The following CELSR1 variants were observed in gnomAD, a reference collection of about 807,000 sequenced individuals.
CELSR1 encodes cadherin EGF LAG seven-pass G-type receptor 1, also known as adhesion G protein-coupled receptor C1.
A neutral mutation model predicts 249.1 loss-of-function variants in CELSR1; 110 were observed. The ratio of observed to expected loss-of-function variants is 0.44; its 90% CI spans 0.38 to 0.52. The LOEUF (loss-of-function observed/expected upper bound fraction) is 0.52, where lower values mean the gene tolerates loss of function less well. Ranked by LOEUF, CELSR1 falls within the 20% of genes least tolerant of loss-of-function variation. CELSR1 has a pLI of 0.00. For synonymous variants in CELSR1, 2,113 were observed against 1,900.0 expected (o/e 1.11, Z -2.92); for missense variants, 4,109 against 4,296.4 (o/e 0.96, Z 1.22).
At position 46,536,881 on chromosome 22, in the gene CELSR1, G is replaced by T; in HGVS notation, c.290C>A (p.Ala97Asp). 2 of 1,228,752 alleles carry T rather than the reference G, an allele frequency of 1.6e-6. No individual in the cohort carries two copies. The highest frequency in any genetic ancestry group is 2.0e-6 in the Non-Finnish European group (2 of 980,376). 76.1% of individuals were successfully genotyped at this position (1,228,752 alleles called of 1,614,324 possible). The change falls in exon 1 of 35, where the codon GCC becomes GAC. Residue 97 changes from alanine (A) to aspartate (D), a missense_variant. Ala to Asp is a moderately radical substitution (Grantham distance 126). Coordinates refer to ENST00000674500, the MANE Select transcript of CELSR1 (RefSeq NM_001378328.1). ...CAGGCGGCGGCTCAGCGCCGTCGGGGCACTGCGGGCCACCAAGCGGACTTG... is the reference window on the plus strand; with the variant it reads ...CAGGCGGCGGCTCAGCGCCGTCGGGTCACTGCGGGCCACCAAGCGGACTTG... The part of the protein sequence containing the change: ...PLQVRLVARS[A>D]PTALSRRLRA...
At chr22:46,477,331 A>AGCCTTCTGG (rs1463981785) in intron 1 of CELSR1, among the ~76,000 whole-genome samples, 1 of 152,140 alleles carries the variant, frequency 6.6e-6, no homozygotes, top group East Asian at 1.9e-4. Context: ...GTTTATCAGG[A>AGCCTTCTGG]ACCTTCTGTT....
rs1413288874 is a variant in CELSR1 at position 46,440,787 on chromosome 22, A to G, written c.4184-1376T>C. 6.6e-6 allele frequency among the ~76,000 whole-genome samples: 1 copy of G among 152,156 alleles called. No homozygotes were observed. Among genetic ancestry groups the G allele is most frequent in the African/African-American group, 2.4e-5 (1 of 41,428 alleles). On this transcript the variant is annotated intron_variant, in intron 2 of 34. Coordinates refer to ENST00000674500, the MANE Select transcript of CELSR1 (RefSeq NM_001378328.1). The surrounding 1 kb of genome is among the most constrained non-coding windows in gnomAD (Gnocchi z 4.7). ...GTTTTATGTATTTGTAGCCCCACAG[A>G]AATTTTTTGTCTGTATGTGATCATA...
rs113744553 is a variant in CELSR1, at chr22:46,403,983, A to G, written c.5227-4081T>C. 9.1e-3 allele frequency among the ~76,000 whole-genome samples: 1,367 copies of G among 150,020 alleles called. 28 individuals are homozygous for G. The highest frequency in any genetic ancestry group is 0.031 in the African/African-American group (1,265 of 40,526). On this transcript the variant is annotated intron_variant, in intron 9 of 34. Transcript: ENST00000674500. The stretch of plus-strand genomic sequence containing the variant: ...TGAAACTCCGTCTCAAAAAAAAAAA[A>G]AAAAAAAGAAAAAAAGAAAAAAAAA...
rs1229062939 is a variant in CELSR1 at position 46,526,500 on chromosome 22, AC to A, written c.3544+7126del. 6.6e-6 allele frequency among the ~76,000 whole-genome samples: 1 copy of A among 151,780 alleles called. No individual in the cohort carries two copies. Among genetic ancestry groups the A allele is most frequent in the Non-Finnish European group, 1.5e-5 (1 of 67,942 alleles). ...ACCTTGTCATTTGCTTCTCAGAGGC[AC>A]CCCCAAACCACTCCACTCAGATCTC... On this transcript the variant is annotated intron_variant, in intron 1 of 34. Coordinates refer to ENST00000674500, the MANE Select transcript of CELSR1 (RefSeq NM_001378328.1). The surrounding 1 kb of genome is among the most constrained non-coding windows in gnomAD (Gnocchi z 4.7).
intron 1 of CELSR1, among the ~76,000 whole-genome samples, chr22:46,498,328 G>A (rs182415443): frequency 7.3e-4 from 108 of 148,812 alleles, no homozygotes; most frequent in African/African-American, 2.5e-3. Context: ...AGTCCAGTGG[G>A]ATCAGCCACG....
chr22:46,511,101 AAG>A (rs1259780253), intron 1 of CELSR1, among the ~76,000 whole-genome samples: 1 of 141,392 alleles, frequency 7.1e-6, no homozygotes, highest in Non-Finnish European at 1.5e-5. Context: ...ATGACAGATC[AAG>A]ACTTCGTCTC....
At chr22:46,451,398 T>C (rs1248164162) in intron 2 of CELSR1, among the ~76,000 whole-genome samples, 1 of 152,104 alleles carries the variant, frequency 6.6e-6, no homozygotes, top group Non-Finnish European at 1.5e-5. Flanking sequence ...GACACACCCA[T>C]TTAAAAAAAT....
intron 1 of CELSR1, among the ~76,000 whole-genome samples, chr22:46,505,246 A>G (rs1217440510): frequency 8.0e-6 from 1 of 124,684 alleles, no homozygotes; most frequent in Non-Finnish European, 1.6e-5. Flanking sequence ...TGGGCGACAG[A>G]GCAAGACTCT....
In CELSR1 at chr22:46,412,607, C is replaced by T. The variant is rs904507900; in HGVS notation, c.4612-848G>A. Among the ~76,000 whole-genome samples, 4 of 152,206 alleles carry T rather than the reference C, an allele frequency of 2.6e-5. No homozygotes were observed. The highest frequency in any genetic ancestry group is 9.7e-5 in the African/African-American group (4 of 41,448). The stretch of plus-strand genomic sequence containing the variant: ...TCTCCAAGAGACTGTGGTTTGCCAT[C>T]CGGGGACGAGCCCACTTTCCCCAGA... On this transcript the variant is annotated intron_variant, in intron 5 of 34. Coordinates refer to ENST00000674500, the MANE Select transcript of CELSR1 (RefSeq NM_001378328.1). The surrounding 1 kb of genome is among the most constrained non-coding windows in gnomAD (Gnocchi z 4.5).
At chr22:46,373,164 T>C in intron 24 of CELSR1, 107 bp from the exon 25 acceptor site, 2 of 1,189,294 alleles carry the variant, frequency 1.7e-6, no homozygotes, top group South Asian at 3.2e-5. Flanking sequence ...CGGACCACCC[T>C]ATGTGTCTGT....
chr22:46,483,910 C>T (rs1602198875), intron 1 of CELSR1, among the ~76,000 whole-genome samples: 1 of 152,174 alleles, frequency 6.6e-6, no homozygotes, highest in East Asian at 1.9e-4. Flanking sequence ...AGCTGCAAGG[C>T]TTTCTAATAC....
intron 18 of CELSR1, among the ~76,000 whole-genome samples, chr22:46,387,789 G>A (rs909878869): frequency 2.0e-5 from 3 of 152,110 alleles, no homozygotes; most frequent in Non-Finnish European, 4.4e-5. Context: ...GTTTTTCCAC[G>A]TATACCCCAA....
Position 46,519,114 on chromosome 22 carries a change from C to T in CELSR1, c.3544+14513G>A, listed in dbSNP as rs567856767. 6.6e-5 allele frequency among the ~76,000 whole-genome samples: 10 copies of T among 152,032 alleles called. No homozygotes were observed. The East Asian group carries it at 1.7e-3, about 26-fold the overall frequency. Reference sequence around the variant, plus strand: ...CACGACCCGGAAAACATGACACTGGCCGGGGAGAAGCCAGACACAAAAGCC... The same window carrying T: ...CACGACCCGGAAAACATGACACTGGTCGGGGAGAAGCCAGACACAAAAGCC... On this transcript the variant is annotated intron_variant, in intron 1 of 34. Transcript: ENST00000674500.
intron 1 of CELSR1, chr22:46,530,330 AATT>A (rs2080779158): frequency 6.7e-6 from 1 of 149,182 alleles, no homozygotes; most frequent in Non-Finnish European, 1.5e-5. Flanking sequence ...ATTTATATAT[AATT>A]CATTATAACA....
In CELSR1 at chr22:46,398,657, G is replaced by A. The variant is rs763088555; in HGVS notation, c.5413-20C>T. 4.1e-5 allele frequency: 65 copies of A among 1,571,618 alleles called. No individual in the cohort carries two copies. The highest frequency in any genetic ancestry group is 5.0e-5 in the Non-Finnish European group (58 of 1,152,402). On this transcript the variant is annotated intron_variant, in intron 10 of 34. Coordinates refer to ENST00000674500, the MANE Select transcript of CELSR1 (RefSeq NM_001378328.1). The surrounding 1 kb of genome is among the most constrained non-coding windows in gnomAD (Gnocchi z 7.2). ...CTTGTTCTGTGCGGAGAGAGGGGCCGGGGATCTGGGGGCTGCATCCACCAT... is the reference window on the plus strand; with the variant it reads ...CTTGTTCTGTGCGGAGAGAGGGGCCAGGGATCTGGGGGCTGCATCCACCAT...
Position 46,391,845 on chromosome 22 carries a change from C to A in CELSR1, c.5965-29G>T, listed in dbSNP as rs751183536. The A allele has an allele frequency of 2.6e-5, 42 of 1,595,382 alleles. No homozygotes were observed. In the Admixed American group the frequency reaches 7.5e-4, roughly 28 times the overall value. ...CAAAAGCCAGAGGCAGGGCCTGTGA[C>A]TTCAGATGCCCGGGAGAGGCCCTAC... is the stretch of plus-strand genomic sequence containing the variant. On this transcript the variant is annotated intron_variant, in intron 14 of 34. Coordinates refer to ENST00000674500, the MANE Select transcript of CELSR1 (RefSeq NM_001378328.1). This position sits in a 1 kb window ranked among gnomAD's most constrained non-coding sequence, Gnocchi z 4.3.
rs930660458 is a variant in CELSR1 at position 46,512,209 on chromosome 22, C to G, written c.3544+21418G>C. ...GCCCTCGAGGGCTCACAGCTAGGGG[C>G]AGGTGTCCCGGATTTGCAGAGGAGG... On this transcript the variant is annotated intron_variant, in intron 1 of 34. Coordinates refer to ENST00000674500, the MANE Select transcript of CELSR1 (RefSeq NM_001378328.1). This position sits in a 1 kb window ranked among gnomAD's most constrained non-coding sequence, Gnocchi z 5.2. Among the ~76,000 whole-genome samples, 4 of 151,864 alleles carry G rather than the reference C, an allele frequency of 2.6e-5. No homozygotes were observed. Among genetic ancestry groups the G allele is most frequent in the African/African-American group, 9.7e-5 (4 of 41,154 alleles).
chr22:46,495,377 A>G (rs935424751), intron 1 of CELSR1, among the ~76,000 whole-genome samples: 1 of 152,238 alleles, frequency 6.6e-6, no homozygotes, highest in Non-Finnish European at 1.5e-5. Flanking sequence ...AACATTAAAA[A>G]CAGTACACCT....
intron 23 of CELSR1, among the ~76,000 whole-genome samples, chr22:46,377,987 C>T (rs1358392759): frequency 6.6e-6 from 1 of 152,258 alleles, no homozygotes; most frequent in Non-Finnish European, 1.5e-5. Flanking sequence ...CCCACACAGG[C>T]CATGGCCAGG....
Sources: allele counts gnomAD v4.1 joint callset (sites outside exome capture counted in the v4.1 genomes callset), GRCh38; gene constraint gnomAD v4.1.1; non-coding constraint Gnocchi (gnomAD v3.1); transcripts MANE v1.5; gene names NCBI Gene and HGNC (gene_info 2026-07-23, HGNC 2026-07-21).